The following ATP8A2 variants were observed in gnomAD, a reference collection of about 807,000 sequenced individuals.
ATP8A2 encodes ATPase phospholipid transporting 8A2, also known as phospholipid-transporting ATPase IB.
Under a neutral mutation model 165.6 loss-of-function variants are expected in ATP8A2, and 100 were observed. The observed-to-expected ratio is 0.60, with a 90% CI of 0.51 to 0.71. The LOEUF is 0.71. Ranked by LOEUF, ATP8A2 falls within the 30% of genes least tolerant of loss-of-function variation. ATP8A2 has a pLI of 0.00. For missense variants in ATP8A2, 1,227 were observed against 1,479.5 expected (o/e 0.83, Z 2.80); for synonymous variants, 543 against 548.8 (o/e 0.99, Z 0.15).
At chr13:25,957,222 A>G (rs1324818190) in intron 33 of ATP8A2, among the ~76,000 whole-genome samples, 4 of 152,372 alleles carry the variant, frequency 2.6e-5, no homozygotes, top group African/African-American at 9.6e-5. Context: ...TAAAGACTTT[A>G]TGACTAAAAC....
At chr13:25,701,571 G>C (rs2042952190) in intron 25 of ATP8A2, among the ~76,000 whole-genome samples, 2 of 152,030 alleles carry the variant, frequency 1.3e-5, no homozygotes, top group Non-Finnish European at 2.9e-5. Context: ...GGAAAAGTCT[G>C]GTAAACTGTA....
intron 27 of ATP8A2, among the ~76,000 whole-genome samples, chr13:25,781,417 G>T (rs1043252681): frequency 7.3e-5 from 11 of 151,712 alleles, no homozygotes; most frequent in African/African-American, 2.4e-4. Flanking sequence ...TTTTTCTGTT[G>T]GACCTGTGAG....
At chr13:25,616,923 A>C (rs2137432634) in intron 24 of ATP8A2, among the ~76,000 whole-genome samples, 1 of 152,310 alleles carries the variant, frequency 6.6e-6, no homozygotes, top group South Asian at 2.1e-4. Flanking sequence ...CAGAGCCTCC[A>C]GCCAGGATCT....
At chr13:25,747,896 G>T (rs891694826) in intron 25 of ATP8A2, among the ~76,000 whole-genome samples, 1 of 152,050 alleles carries the variant, frequency 6.6e-6, no homozygotes, top group Non-Finnish European at 1.5e-5. Flanking sequence ...TTTTTAGCTG[G>T]CTTTGTTCAG....
At chr13:25,632,695 T>C (rs1593692558) in intron 24 of ATP8A2, among the ~76,000 whole-genome samples, 2 of 152,042 alleles carry the variant, frequency 1.3e-5, no homozygotes, top group South Asian at 4.2e-4. Flanking sequence ...GGGCCTTAGG[T>C]AAAGACAGAA....
intron 2 of ATP8A2, among the ~76,000 whole-genome samples, chr13:25,499,494 C>T (rs1190349891): frequency 6.6e-6 from 1 of 152,138 alleles, no homozygotes; most frequent in African/African-American, 2.4e-5. Context: ...TGAGCCTGGG[C>T]CAGTCAACAC....
intron 1 of ATP8A2, among the ~76,000 whole-genome samples, chr13:25,403,055 C>T (rs745595276): frequency 6.6e-6 from 1 of 152,224 alleles, no homozygotes; most frequent in Non-Finnish European, 1.5e-5. Flanking sequence ...ACAGAGACCT[C>T]ATGACCTAAC....
chr13:25,975,498 C>G (rs1037339127), intron 35 of ATP8A2, among the ~76,000 whole-genome samples: 1 of 151,670 alleles, frequency 6.6e-6, no homozygotes, highest in Non-Finnish European at 1.5e-5. Context: ...AGGAGAATGG[C>G]GTGAACCCGA....
At chr13:25,531,839 G>A (rs576927854) in intron 4 of ATP8A2, among the ~76,000 whole-genome samples, 1 of 152,048 alleles carries the variant, frequency 6.6e-6, no homozygotes, top group South Asian at 2.1e-4. Context: ...CACCTCATTG[G>A]GTATATGCAA....
rs1165724281 is a variant in ATP8A2, at chr13:26,020,857, A to G, written c.*872A>G. ...GAAAAGAAACATAGCCTTTCTGCAT[A>G]TATTCTAAACGTCTCTCTGCCTCTG... is the stretch of plus-strand genomic sequence containing the variant. On this transcript the variant is annotated 3_prime_UTR_variant, in exon 37 of 37. Coordinates refer to ENST00000381655, the MANE Select transcript of ATP8A2 (RefSeq NM_016529.6). 6.6e-6 allele frequency: 1 copy of G among 152,274 alleles called. No individual in the cohort carries two copies. The highest frequency in any genetic ancestry group is 1.5e-5 in the Non-Finnish European group (1 of 68,088). The allele number at this position is 152,274 out of a possible 1,614,324, so 9.4% of individuals were successfully genotyped here.
intron 16 of ATP8A2, among the ~76,000 whole-genome samples, chr13:25,570,207 A>G (rs1196822135): frequency 6.6e-6 from 1 of 152,200 alleles, no homozygotes; most frequent in Non-Finnish European, 1.5e-5. Context: ...ACTGTATAGA[A>G]CAGATGTCGG....
chr13:25,630,779 G>GGATGTT (rs1416283463), intron 24 of ATP8A2, among the ~76,000 whole-genome samples: 1 of 152,018 alleles, frequency 6.6e-6, no homozygotes, highest in African/African-American at 2.4e-5. Context: ...CTAATGAATA[G>GGATGTT]GATGTTTATT....
At chr13:26,019,375 C>T (rs1957048951) in intron 36 of ATP8A2, among the ~76,000 whole-genome samples, 1 of 152,192 alleles carries the variant, frequency 6.6e-6, no homozygotes, top group African/African-American at 2.4e-5. Context: ...CCAGCCTAGG[C>T]GGCAGAGCAA....
chr13:25,577,039 A>G (rs762595417), intron 19 of ATP8A2, 30 bp from the exon 20 acceptor site: 18 of 1,592,468 alleles, frequency 1.1e-5, no homozygotes, highest in East Asian at 4.5e-5. Flanking sequence ...AAACAGACCA[A>G]TGATGACTTT....
rs137862852 is a variant in ATP8A2, at chr13:25,801,857, A to G, written c.2680-26261A>G. ...TTACAGTCATGGTGGAAGGGGAAGC[A>G]TACATGTCCTTCTTCACATGGCAGC... On this transcript the variant is annotated intron_variant, in intron 27 of 36. Transcript: ENST00000381655. 4.6e-3 allele frequency among the ~76,000 whole-genome samples: 705 copies of G among 152,264 alleles called. 4 individuals carry two copies. The highest frequency in any genetic ancestry group is 0.016 in the African/African-American group (663 of 41,562).
chr13:25,940,474 T>C (rs1178024412), intron 33 of ATP8A2, among the ~76,000 whole-genome samples: 1 of 152,166 alleles, frequency 6.6e-6, no homozygotes, highest in Non-Finnish European at 1.5e-5. Context: ...CTTCCCGTCC[T>C]CTGGGCAGGC....
intron 1 of ATP8A2, among the ~76,000 whole-genome samples, chr13:25,448,856 G>T (rs2035138274): frequency 6.6e-6 from 1 of 151,996 alleles, no homozygotes; most frequent in South Asian, 2.1e-4. Flanking sequence ...GTAGAGAAGG[G>T]ATTTCACCAT....
chr13:25,803,010 G>C (rs1950653844), intron 27 of ATP8A2, among the ~76,000 whole-genome samples: 1 of 151,742 alleles, frequency 6.6e-6, no homozygotes, highest in Admixed American at 6.6e-5. Context: ...TGAAAAACTG[G>C]AGAATTTTTT....
rs80329599 is a variant in ATP8A2 at position 25,508,999 on chromosome 13, G to C, written c.222-21000G>C. Among the ~76,000 whole-genome samples, 365 of 152,318 alleles carry C rather than the reference G, an allele frequency of 2.4e-3. 7 individuals carry two copies. In the East Asian group the frequency reaches 0.057, roughly 24 times the overall value. On this transcript the variant is annotated intron_variant, in intron 2 of 36. Coordinates refer to ENST00000381655, the MANE Select transcript of ATP8A2 (RefSeq NM_016529.6). ...TAGAAATAACATTTCGTTGGGTTTA[G>C]AGTTGTATTTACATGGTGTGCAGTC...
Sources: gnomAD v4.1 joint callset for allele counts (sites outside exome capture counted in the v4.1 genomes callset) on GRCh38, gnomAD v4.1.1 for gene constraint, MANE v1.5 for transcripts, NCBI Gene and HGNC (gene_info 2026-07-23, HGNC 2026-07-21) for gene names.